The following TOP2B variants were observed in gnomAD, a reference collection of about 807,000 sequenced individuals.
The protein encoded by TOP2B is DNA topoisomerase 2-beta.
TOP2B carries 51 observed loss-of-function variants against 193.5 expected under a neutral mutation model. The observed-to-expected ratio is 0.26, with a 90% CI of 0.21 to 0.33. TOP2B has a LOEUF of 0.33. TOP2B is among the 10% of genes least tolerant of loss of function. The probability of loss-of-function intolerance (pLI) is 1.00; values close to 1 mark genes in which losing one functional copy is unlikely to be tolerated. For synonymous variants in TOP2B, 634 were observed against 635.7 expected, an observed-to-expected ratio of 1.00 and a Z score of 0.04; for missense variants, 1,378 against 1,909.3, an observed-to-expected ratio of 0.72 and a Z score of 5.19.
intron 18 of TOP2B, 97 bp from the exon 19 acceptor site, chr3:25,624,900 C>G: frequency 8.4e-7 from 1 of 1,185,390 alleles, no homozygotes; most frequent in Non-Finnish European, 1.2e-6. Context: ...TTCAAGAACA[C>G]CAGTAAAATT....
Position 25,598,462 on chromosome 3 carries a change from A to ATGTC in TOP2B, c.4722_4725dup (p.Ser1576AspfsTer4). ...TCCACATCTGAATCCTGATCAAAAG[A>ATGTC]TGTCTTCTTCGGTTTCTAGATTTTT... On this transcript the variant is annotated frameshift_variant, in exon 36 of 36. Transcript: ENST00000264331. LOFTEE classifies it high-confidence loss of function. 1.9e-6 allele frequency: 3 copies of ATGTC among 1,588,288 alleles called. No homozygotes were observed. Among genetic ancestry groups the ATGTC allele is most frequent in the Non-Finnish European group, 2.6e-6 (3 of 1,171,718 alleles).
chr3:25,623,393 A>G, intron 21 of TOP2B, 122 bp downstream of exon 21: 1 of 846,340 alleles, frequency 1.2e-6, no homozygotes, highest in Non-Finnish European at 1.8e-6. Context: ...TACCCTAATT[A>G]GGTCTTTACG....
chr3:25,654,722 G>T (rs1703694903), intron 1 of TOP2B, among the ~76,000 whole-genome samples: 1 of 152,070 alleles, frequency 6.6e-6, no homozygotes, highest in African/African-American at 2.4e-5. Context: ...AAACAGTGTG[G>T]CACTGGCATA....
chr3:25,653,261 T>C (rs1703646608), intron 1 of TOP2B, among the ~76,000 whole-genome samples: 1 of 152,050 alleles, frequency 6.6e-6, no homozygotes, highest in Admixed American at 6.6e-5. Context: ...AGGGAACACT[T>C]CCAGAATCAT....
chr3:25,642,533 T>A (rs1184694043), intron 3 of TOP2B, 148 bp from the exon 4 acceptor site: 1 of 465,626 alleles, frequency 2.1e-6, no homozygotes, highest in African/African-American at 2.0e-5. Flanking sequence ...TCATATAAAA[T>A]CTTATTTTCC....
Position 25,645,281 on chromosome 3 carries a change from C to A in TOP2B, c.240+19G>T. On this transcript the variant is annotated intron_variant, in intron 2 of 35. Coordinates refer to ENST00000264331, the MANE Select transcript of TOP2B (RefSeq NM_001330700.2). Reference sequence around the variant, plus strand: ...TAGATGCACATCTCCTAATTTCAATCAATTTTAGCAATAATTACCTGCGTC... The same window carrying A: ...TAGATGCACATCTCCTAATTTCAATAAATTTTAGCAATAATTACCTGCGTC... The A allele has an allele frequency of 1.3e-6, 2 of 1,501,990 alleles. No homozygotes were observed. The highest frequency in any genetic ancestry group is 2.8e-5 in the South Asian group (2 of 71,900). The allele number at this position is 1,501,990 out of a possible 1,614,324, so 93.0% of individuals were successfully genotyped here. A position where few individuals can be genotyped will look rare whatever the true frequency, so the allele number is the denominator to read the frequency against.
At chr3:25,601,076 G>T in intron 34 of TOP2B, 24 bp downstream of exon 34, 1 of 1,608,186 alleles carries the variant, frequency 6.2e-7, no homozygotes. Flanking sequence ...TATGTTTAAA[G>T]GGTTATAAGA....
intron 23 of TOP2B, among the ~76,000 whole-genome samples, chr3:25,619,137 A>C (rs1325759642): frequency 1.3e-5 from 2 of 152,228 alleles, no homozygotes; most frequent in Non-Finnish European, 2.9e-5. Flanking sequence ...TAAAGTAACC[A>C]TAAAACCACC....
At chr3:25,629,206 T>A in intron 13 of TOP2B, 61 bp from the exon 14 acceptor site, 1 of 1,230,656 alleles carries the variant, frequency 8.1e-7, no homozygotes, top group East Asian at 2.7e-5. Flanking sequence ...ATTACTTATA[T>A]AAACAAATTT....
chr3:25,600,738 T>TA (rs1702070538), intron 34 of TOP2B, among the ~76,000 whole-genome samples: 1 of 152,216 alleles, frequency 6.6e-6, no homozygotes, highest in South Asian at 2.1e-4. Flanking sequence ...AGTTCTAGCC[T>TA]AAGAGTCCTG....
At chr3:25,646,171 A>G (rs1220248563) in intron 1 of TOP2B, among the ~76,000 whole-genome samples, 3 of 152,168 alleles carry the variant, frequency 2.0e-5, no homozygotes, top group Non-Finnish European at 4.4e-5. Context: ...CAGGAGCCCC[A>G]AAAGCTTCCA....
chr3:25,607,844 T>C (rs1050633477), intron 30 of TOP2B, among the ~76,000 whole-genome samples: 12 of 152,240 alleles, frequency 7.9e-5, no homozygotes, highest in African/African-American at 2.9e-4. Context: ...TGCAGTGGTA[T>C]GATCATAGCT....
intron 34 of TOP2B, 86 bp downstream of exon 34, chr3:25,601,014 A>G (rs1702077666): frequency 7.1e-7 from 1 of 1,415,590 alleles, no homozygotes; most frequent in African/African-American, 1.4e-5. Context: ...ATAGATACCT[A>G]GCCTCTCTAA....
intron 1 of TOP2B, among the ~76,000 whole-genome samples, chr3:25,646,586 T>C (rs1703421353): frequency 6.6e-6 from 1 of 152,196 alleles, no homozygotes; most frequent in African/African-American, 2.4e-5. Context: ...GGCCTATCTT[T>C]TCAGAATCAA....
At chr3:25,651,406 T>C (rs1225524591) in intron 1 of TOP2B, among the ~76,000 whole-genome samples, 6 of 132,120 alleles carry the variant, frequency 4.5e-5, no homozygotes, top group Non-Finnish European at 8.1e-5. Context: ...CTGTAGAATA[T>C]ACACAAAGAG....
intron 7 of TOP2B, among the ~76,000 whole-genome samples, chr3:25,634,864 C>A (rs1281131416): frequency 6.6e-6 from 1 of 150,814 alleles, no homozygotes; most frequent in East Asian, 1.9e-4. Context: ...CTGGTGGAAA[C>A]CTGCTGCAGC....
At chr3:25,621,677 C>T (rs780624339) in intron 21 of TOP2B, among the ~76,000 whole-genome samples, 4 of 151,660 alleles carry the variant, frequency 2.6e-5, no homozygotes, top group Admixed American at 6.6e-5. Flanking sequence ...AATTCTTATT[C>T]GTTATTATCA....
Position 25,623,741 on chromosome 3 carries a change from A to G in TOP2B, c.2501T>C (p.Leu834Ser), listed in dbSNP as rs769739428. Residue 834 changes from leucine to serine, a missense_variant, in exon 21 of 36, where the codon TTA becomes TCA. This residue lies in a region of TOP2B where 379 missense variants were observed against 615.1 expected (regional missense o/e 0.62). Transcript: ENST00000264331. ...PRYIFTMLST[L>S]ARLLFPAVDD... Reference sequence around the variant, plus strand: ...CACAGCAGGAAAAAGTAGCCTTGCTAAAGTGCTAATGAAAACAAAAAGAAG... The same window carrying G: ...CACAGCAGGAAAAAGTAGCCTTGCTGAAGTGCTAATGAAAACAAAAAGAAG... 2.5e-6 allele frequency: 4 copies of G among 1,607,514 alleles called. No homozygotes were observed. Among genetic ancestry groups the G allele is most frequent in the Non-Finnish European group, 3.4e-6 (4 of 1,174,982 alleles).
chr3:25,661,022 C>T (rs1485384903), intron 1 of TOP2B, among the ~76,000 whole-genome samples: 2 of 131,042 alleles, frequency 1.5e-5, no homozygotes, highest in Admixed American at 8.1e-5. Context: ...TTTTTTGAGA[C>T]GGAGTTTCAC....
Sources: allele counts gnomAD v4.1 joint callset (sites outside exome capture counted in the v4.1 genomes callset), GRCh38; gene constraint gnomAD v4.1.1; regional missense constraint gnomAD v4.1.1; transcripts MANE v1.5; gene names NCBI Gene and HGNC (gene_info 2026-07-23, HGNC 2026-07-21).